Variants in STK11IP observed in about 807,000 individuals in gnomAD.
STK11IP encodes the protein serine/threonine-protein kinase 11-interacting protein.
STK11IP carries 103 observed loss-of-function variants against 131.7 expected under a neutral mutation model. That is an observed-to-expected ratio of 0.78 (90% CI 0.67 to 0.92). The LOEUF is 0.92. Ranked by LOEUF, STK11IP falls within the 40% of genes least tolerant of loss-of-function variation. The probability of loss-of-function intolerance (pLI) is 0.00; values close to 1 mark genes in which losing one functional copy is unlikely to be tolerated. For synonymous variants in STK11IP, 557 were observed against 575.6 expected, an observed-to-expected ratio of 0.97 and a Z score of 0.46; for missense variants, 1,315 against 1,385.7, an observed-to-expected ratio of 0.95 and a Z score of 0.81.
chr2:219,615,377 G>A (rs1698542641), intron 24 of STK11IP, 36 bp downstream of exon 24: 1 of 1,577,698 alleles, frequency 6.3e-7, no homozygotes. Context: ...GGGAGGGAGG[G>A]GAGATGGTGA....
intron 3 of STK11IP, 91 bp downstream of exon 3, chr2:219,601,531 G>T: frequency 6.4e-7 from 1 of 1,559,090 alleles, no homozygotes; most frequent in Non-Finnish European, 8.7e-7. Flanking sequence ...AGTCTGCAGT[G>T]CCAGGATCCA....
Position 219,615,252 on chromosome 2 carries a change from G to T in STK11IP, c.3028G>T (p.Val1010Phe). 6.3e-7 allele frequency: 1 copy of T among 1,597,444 alleles called. No individual in the cohort carries two copies. The highest frequency in any genetic ancestry group is 8.5e-7 in the Non-Finnish European group (1 of 1,177,136). Residue 1010 changes from valine to phenylalanine, a missense_variant, in exon 24 of 25, where the codon GTC becomes TTC. By Grantham distance (50) the Val-to-Phe change is conservative. Coordinates refer to ENST00000456909, the MANE Select transcript of STK11IP (RefSeq NM_052902.4). ...PPSGPGPAVR[V>F]REQQPLSSLS... ...CTCGGGGCCGGGCCCTGCTGTGCGT[G>T]TCAGGGAGCAGCAGCCACTCAGCAG...
intron 7 of STK11IP, among the ~76,000 whole-genome samples, chr2:219,604,283 T>C (rs571193097): frequency 6.6e-6 from 1 of 152,340 alleles, no homozygotes; most frequent in East Asian, 1.9e-4. Context: ...TGTTGAATTT[T>C]GTTGAACTTG....
At chr2:219,603,490 C>T (rs906522717) in intron 7 of STK11IP, among the ~76,000 whole-genome samples, 5 of 151,818 alleles carry the variant, frequency 3.3e-5, no homozygotes, top group African/African-American at 4.8e-5. Context: ...GAGATAAAGC[C>T]GAACTAGTTA....
Position 219,614,171 on chromosome 2 carries a change from G to A in STK11IP, c.2727G>A (p.Gln909=). 6.2e-7 allele frequency: 1 copy of A among 1,613,536 alleles called. No individual in the cohort carries two copies. ...AFLEELLDVL[Q]SLPPAWRNCV... Reference sequence around the variant, plus strand: ...CCTGCCTCTGTCTAGATGTCTTGCAGTCTCTGCCCCCTGCCTGGAGGAACT... The same window carrying A: ...CCTGCCTCTGTCTAGATGTCTTGCAATCTCTGCCCCCTGCCTGGAGGAACT... Residue 909 remains glutamine, a synonymous_variant, in exon 22 of 25, where the codon CAG becomes CAA. Transcript: ENST00000456909.
Position 219,606,457 on chromosome 2 carries a change from C to A in STK11IP, c.946-19C>A, listed in dbSNP as rs577305185. ...ATGGGCCTACCACATACTCCCTCCC[C>A]CTTTTTGTCTTTGCTCAGTTCCTTC... On this transcript the variant is annotated intron_variant, in intron 10 of 24. Transcript: ENST00000456909. 57 of 1,609,218 alleles carry A rather than the reference C, an allele frequency of 3.5e-5. No homozygotes were observed. The highest frequency in any genetic ancestry group is 1.7e-4 in the Middle Eastern group (1 of 6,060).
At chr2:219,615,847 G>C in intron 24 of STK11IP, 197 bp from the exon 25 acceptor site, 2 of 769,308 alleles carry the variant, frequency 2.6e-6, no homozygotes, top group South Asian at 1.5e-5. Context: ...GTCCTCTGGA[G>C]GCTTTCAGTA....
chr2:219,608,555 C>T, intron 14 of STK11IP, 28 bp from the exon 15 acceptor site: 1 of 1,556,902 alleles, frequency 6.4e-7, no homozygotes, highest in Non-Finnish European at 8.7e-7. Context: ...TCCCTCCCTG[C>T]AGGCCTTTTC....
intron 24 of STK11IP, chr2:219,615,615 T>G: frequency 1.5e-6 from 1 of 654,770 alleles, no homozygotes; most frequent in Non-Finnish European, 2.9e-6. Context: ...TTCCGGCAGC[T>G]TTGAGTTGGC....
At chr2:219,598,019 G>T (rs1191117990) in intron 1 of STK11IP, 75 bp from the exon 2 acceptor site, 6 of 1,574,704 alleles carry the variant, frequency 3.8e-6, no homozygotes, top group Non-Finnish European at 5.2e-6. Flanking sequence ...ATGACGCCTC[G>T]GTTTGCGCGG....
At chr2:219,612,978 G>A (rs1698442038) in intron 19 of STK11IP, 150 bp from the exon 20 acceptor site, 2 of 620,868 alleles carry the variant, frequency 3.2e-6, no homozygotes, top group Non-Finnish European at 2.9e-6. Context: ...GGATGAAGAG[G>A]CTGTCGAGTG....
At chr2:219,614,394 C>A in intron 22 of STK11IP, 82 bp from the exon 23 acceptor site, 2 of 1,543,208 alleles carry the variant, frequency 1.3e-6, no homozygotes, top group Non-Finnish European at 1.8e-6. Context: ...CAACCCCCTG[C>A]AGGGCTTTCT....
intron 17 of STK11IP, among the ~76,000 whole-genome samples, chr2:219,610,933 T>C (rs1698376110): frequency 6.6e-6 from 1 of 152,186 alleles, no homozygotes. Flanking sequence ...CAAAATGGGA[T>C]AGGGAGAGTT....
rs772413276 is a variant in STK11IP at position 219,608,095 on chromosome 2, G to C, written c.1268G>C (p.Arg423Pro). The C allele has an allele frequency of 6.2e-7, 1 of 1,612,930 alleles. No individual in the cohort carries two copies. Among genetic ancestry groups the C allele is most frequent in the Non-Finnish European group, 8.5e-7 (1 of 1,179,890 alleles). The change falls in exon 14 of 25, where the codon CGG becomes CCG. Residue 423 changes from arginine to proline, a missense_variant. Arg to Pro is a moderately radical substitution (Grantham distance 103). Coordinates refer to ENST00000456909, the MANE Select transcript of STK11IP (RefSeq NM_052902.4). Reference sequence around the variant, plus strand: ...GAGCTGGAGCTCATGAGCAGCTTCCGGGAACGGTTCGGCCGCAACTGGCTG... The same window carrying C: ...GAGCTGGAGCTCATGAGCAGCTTCCCGGAACGGTTCGGCCGCAACTGGCTG... ...HPELELMSSF[R>P]ERFGRNWLQY...
At chr2:219,600,052 TG>T (rs1559175183) in intron 2 of STK11IP, among the ~76,000 whole-genome samples, 14 of 136,964 alleles carry the variant, frequency 1.0e-4, no homozygotes, top group African/African-American at 3.4e-4. Flanking sequence ...TTTTTTTTTT[TG>T]TTTTTGTTTT....
At chr2:219,605,150 G>C (rs1389041997) in intron 7 of STK11IP, among the ~76,000 whole-genome samples, 1 of 152,170 alleles carries the variant, frequency 6.6e-6, no homozygotes, top group Non-Finnish European at 1.5e-5. Context: ...TTTAAAAGAG[G>C]GCGGCGGGGA....
chr2:219,598,160 C>T lies in STK11IP; in HGVS notation c.41C>T (p.Ala14Val). ...AGGGACTCCCTGTTGTGGAAGCTCG[C>T]GGGGTTGCTGCGGGAGTCCGGTGAG... ...AQRDSLLWKL[A>V]GLLRESGDVV... The change falls in exon 2 of 25, where the codon GCG (alanine) becomes GTG (valine). Residue 14 changes from alanine to valine, a missense_variant. By Grantham distance (64) the Ala-to-Val change is moderately conservative. Transcript: ENST00000456909. The T allele has an allele frequency of 6.4e-7, 1 of 1,572,642 alleles. No homozygotes were observed. The highest frequency in any genetic ancestry group is 8.6e-7 in the Non-Finnish European group (1 of 1,158,766).
rs376437119 is a variant in STK11IP, at chr2:219,608,787, C to T, written c.1808C>T (p.Thr603Met). 71 of 1,599,030 alleles carry T rather than the reference C, an allele frequency of 4.4e-5. No homozygotes were observed. The highest frequency in any genetic ancestry group is 8.7e-5 in the Admixed American group (5 of 57,530). ...CAGGCCCAGAGGTCGCCCAGGCCCA[C>T]GGTGAGTGGGGCGTGGCAGGGTCTC... ...EAQAQRSPRP[T>M]GSDLLPGAPI... The change falls in exon 15 of 25, where the codon ACG (threonine) becomes ATG (methionine). Residue 603 changes from threonine to methionine, a missense_variant and splice_region_variant. Thr to Met is a moderately conservative substitution (Grantham distance 81). Coordinates refer to ENST00000456909, the MANE Select transcript of STK11IP (RefSeq NM_052902.4).
chr2:219,614,058 C>T (rs1324610823), intron 21 of STK11IP, 103 bp from the exon 22 acceptor site: 18 of 1,536,934 alleles, frequency 1.2e-5, no homozygotes, highest in East Asian at 2.3e-5. Flanking sequence ...GTAGAAGTTT[C>T]TGAAATCCAG....
Sources: gnomAD v4.1 joint callset for allele counts (sites outside exome capture counted in the v4.1 genomes callset) on GRCh38, gnomAD v4.1.1 for gene constraint, MANE v1.5 for transcripts, NCBI Gene and HGNC (gene_info 2026-07-23, HGNC 2026-07-21) for gene names.